Variants in CTNNA2 observed in about 807,000 individuals in gnomAD.
CTNNA2 encodes catenin alpha-2.
A neutral mutation model predicts 101.0 loss-of-function variants in CTNNA2; 42 were observed. The ratio of observed to expected loss-of-function variants is 0.42; its 90% CI spans 0.32 to 0.54. The LOEUF (loss-of-function observed/expected upper bound fraction) is 0.54. CTNNA2 is among the 20% of genes least tolerant of loss of function. CTNNA2 has a pLI of 0.14. For missense variants in CTNNA2, 871 were observed against 1,223.1 expected, an observed-to-expected ratio of 0.71 and a Z score of 4.29; for synonymous variants, 450 against 456.4, an observed-to-expected ratio of 0.99 and a Z score of 0.18.
intron 1 of CTNNA2, among the ~76,000 whole-genome samples, chr2:79,571,612 T>C (rs553689506): frequency 6.6e-6 from 1 of 152,264 alleles, no homozygotes; most frequent in African/African-American, 2.4e-5. Context: ...CACCACACTT[T>C]AACTAAAATT....
intron 4 of CTNNA2, among the ~76,000 whole-genome samples, chr2:79,409,519 G>C (rs902500662): frequency 6.6e-6 from 1 of 151,436 alleles, no homozygotes; most frequent in African/African-American, 2.4e-5. Context: ...TCTACATATG[G>C]CTAGCCAGTT....
chr2:79,963,582 A>G (rs1004008566), intron 7 of CTNNA2, among the ~76,000 whole-genome samples: 3 of 152,146 alleles, frequency 2.0e-5, no homozygotes, highest in Non-Finnish European at 4.4e-5. Flanking sequence ...CCCTTACCCT[A>G]GAAGATCACT....
At chr2:79,720,809 C>T (rs1686431386) in intron 2 of CTNNA2, among the ~76,000 whole-genome samples, 1 of 152,080 alleles carries the variant, frequency 6.6e-6, no homozygotes, top group Non-Finnish European at 1.5e-5. Context: ...GATATAGAAT[C>T]ATATCTTCAG....
chr2:80,032,475 C>G (rs887372302), intron 7 of CTNNA2, among the ~76,000 whole-genome samples: 1 of 152,154 alleles, frequency 6.6e-6, no homozygotes, highest in African/African-American at 2.4e-5. Context: ...ATCATCATCA[C>G]AGACACTGAA....
At chr2:80,487,141 C>A (rs906795496) in intron 9 of CTNNA2, among the ~76,000 whole-genome samples, 1 of 151,742 alleles carries the variant, frequency 6.6e-6, no homozygotes, top group South Asian at 2.1e-4. Flanking sequence ...ATTAGCCGGG[C>A]GTGGTGGTGC....
At position 79,818,845 on chromosome 2, in the gene CTNNA2, ATATG is replaced by A. The variant is rs1433497548; in HGVS notation, c.299-39167_299-39164del. 1.6e-4 allele frequency among the ~76,000 whole-genome samples: 22 copies of A among 139,022 alleles called. 3 individuals carry two copies. The highest frequency in any genetic ancestry group is 4.3e-4 in the Admixed American group (6 of 13,928). The allele number at this position is 139,022 out of a possible 152,430, so 91.2% of individuals were successfully genotyped here. ...ATTATATATATATATATATATATAT[ATATG>A]GATGTATGTGTATCATATTAAGTAA... On this transcript the variant is annotated intron_variant, in intron 3 of 18. Coordinates refer to ENST00000402739, the MANE Select transcript of CTNNA2 (RefSeq NM_001282597.3).
intron 9 of CTNNA2, among the ~76,000 whole-genome samples, chr2:80,479,284 T>C (rs1249776812): frequency 6.6e-6 from 1 of 152,232 alleles, no homozygotes; most frequent in Admixed American, 6.5e-5. Context: ...CTAGGGACAT[T>C]TGGCAACGTT....
At chr2:80,403,139 G>A (rs1337557804) in intron 8 of CTNNA2, among the ~76,000 whole-genome samples, 1 of 152,210 alleles carries the variant, frequency 6.6e-6, no homozygotes, top group East Asian at 1.9e-4. Context: ...ATAGTGCAGT[G>A]TTGAGTCATG....
At chr2:79,649,696 C>T (rs746686408) in intron 1 of CTNNA2, among the ~76,000 whole-genome samples, 26 of 152,106 alleles carry the variant, frequency 1.7e-4, no homozygotes, top group Non-Finnish European at 3.5e-4. Flanking sequence ...CATGTCGGTG[C>T]CAACTATTGT....
chr2:79,935,354 T>C (rs995281790), intron 7 of CTNNA2, among the ~76,000 whole-genome samples: 43 of 146,422 alleles, frequency 2.9e-4, no homozygotes, highest in Non-Finnish European at 5.6e-4. Flanking sequence ...CTCTCTCTCT[T>C]TTTTTTTTTT....
intron 1 of CTNNA2, among the ~76,000 whole-genome samples, chr2:79,630,738 A>G (rs1036635944): frequency 5.9e-5 from 9 of 152,190 alleles, no homozygotes; most frequent in African/African-American, 2.2e-4. Context: ...TCCTTTGGAC[A>G]TTAGAACCTT....
chr2:79,282,283 T>A (rs1034765947), intron 2 of CTNNA2, among the ~76,000 whole-genome samples: 1 of 152,054 alleles, frequency 6.6e-6, no homozygotes, highest in Non-Finnish European at 1.5e-5. Context: ...ATACTTTAAG[T>A]TTTAGGGTAC....
rs527994759 is a variant in CTNNA2, at chr2:80,017,017, C to G, written c.1056+107220C>G. The stretch of plus-strand genomic sequence containing the variant: ...CATTATAAGGAACAGGATCCTGATT[C>G]TATTTGAAAGTAACTTTTTCTAAAA... On this transcript the variant is annotated intron_variant, in intron 7 of 18. Transcript: ENST00000402739. Among the ~76,000 whole-genome samples the G allele has an allele frequency of 3.1e-4, 47 of 152,272 alleles. No homozygotes were observed. The South Asian group carries it at 9.3e-3, about 30-fold the overall frequency.
rs375155183 is a variant in CTNNA2, at chr2:80,023,247, A to G, written c.1056+113450A>G. On this transcript the variant is annotated intron_variant, in intron 7 of 18. Transcript: ENST00000402739. ...TTATGTTAAAAAGTCACTGTTTCTA[A>G]TATTCTGAGTGAGCATTAGTGCGAG... Among the ~76,000 whole-genome samples the G allele has an allele frequency of 2.1e-3, 316 of 152,288 alleles. 6 individuals carry two copies. In the South Asian group the frequency reaches 0.04, roughly 19 times the overall value.
At chr2:79,469,003 A>G (rs940008798) in intron 4 of CTNNA2, among the ~76,000 whole-genome samples, 8 of 152,330 alleles carry the variant, frequency 5.3e-5, no homozygotes, top group Admixed American at 5.2e-4. Flanking sequence ...TTCAAAAGCT[A>G]GCAGAAGGCA....
At chr2:80,411,595 C>T (rs894247730) in intron 8 of CTNNA2, among the ~76,000 whole-genome samples, 1 of 152,162 alleles carries the variant, frequency 6.6e-6, no homozygotes, top group Non-Finnish European at 1.5e-5. Flanking sequence ...CTGCTGTCAT[C>T]ATATATACCA....
intron 7 of CTNNA2, among the ~76,000 whole-genome samples, chr2:80,095,080 C>G (rs1278926026): frequency 6.6e-6 from 1 of 152,184 alleles, no homozygotes; most frequent in Non-Finnish European, 1.5e-5. Flanking sequence ...CTGTCTTGTG[C>G]CAGTTTTCAA....
At chr2:79,759,001 GATCTTACAATAA>G (rs1329626103) in intron 3 of CTNNA2, among the ~76,000 whole-genome samples, 10 of 152,244 alleles carry the variant, frequency 6.6e-5, no homozygotes, top group Admixed American at 4.6e-4. Flanking sequence ...GGAAAAATCA[GATCTTACAATAA>G]ATTATGGAGA....
At chr2:79,517,821 A>T (rs534473313) in intron 1 of CTNNA2, among the ~76,000 whole-genome samples, 23 of 152,154 alleles carry the variant, frequency 1.5e-4, no homozygotes, top group Non-Finnish European at 2.8e-4. Context: ...ACTATTGAAC[A>T]CTATTTTATT....
Sources: allele counts gnomAD v4.1 joint callset (sites outside exome capture counted in the v4.1 genomes callset), GRCh38; gene constraint gnomAD v4.1.1; transcripts MANE v1.5; gene names NCBI Gene and HGNC (gene_info 2026-07-23, HGNC 2026-07-21).